Variants in RASSF6 observed in about 807,000 individuals in gnomAD.
RASSF6 encodes the protein Ras association domain family member 6, also known as ras association domain-containing protein 6.
RASSF6 carries 52 observed loss-of-function variants against 44.0 expected under a neutral mutation model. The observed-to-expected ratio is 1.18, with a 90% CI of 0.95 to 1.49. RASSF6 has a LOEUF of 1.49. Ranked by LOEUF, RASSF6 falls within the 40% of genes most tolerant of loss-of-function variation. RASSF6 has a pLI of 0.00. For synonymous variants in RASSF6, 162 were observed against 124.6 expected, an observed-to-expected ratio of 1.30 and a Z score of -2.00; for missense variants, 464 against 393.3, an observed-to-expected ratio of 1.18 and a Z score of -1.52.
chr4:73,611,908 G>A (rs1049712873), intron 1 of RASSF6, 79 bp from the exon 2 acceptor site: 2 of 991,512 alleles, frequency 2.0e-6, no homozygotes, highest in Non-Finnish European at 1.6e-6. Flanking sequence ...TGAGTGTTTT[G>A]TTGTGTCTCT....
chr4:73,593,696 G>T (rs1724739203), intron 3 of RASSF6, 103 bp from the exon 4 acceptor site: 176 of 818,620 alleles, frequency 2.1e-4, no homozygotes, highest in Admixed American at 2.5e-4. Flanking sequence ...AACCTAAATA[G>T]ATTAAAAAGA....
chr4:73,579,972 C>T (rs1011179776), intron 8 of RASSF6, among the ~76,000 whole-genome samples: 6 of 151,404 alleles, frequency 4.0e-5, no homozygotes, highest in African/African-American at 9.7e-5. Context: ...GCTGCACCCA[C>T]TAACTCGTCA....
chr4:73,591,101 G>C (rs533741927), intron 4 of RASSF6, among the ~76,000 whole-genome samples: 1 of 152,190 alleles, frequency 6.6e-6, no homozygotes, highest in South Asian at 2.1e-4. Flanking sequence ...ATAATATATT[G>C]CATACTTCAA....
chr4:73,588,783 G>GTCATCATCATCATCA (rs71217483), intron 4 of RASSF6, among the ~76,000 whole-genome samples: 6,532 of 148,642 alleles, frequency 0.044, 266 homozygotes, highest in East Asian at 0.16. Flanking sequence ...CATCTCCATT[G>GTCATCATCATCATCA]TCATCATCAT....
intron 4 of RASSF6, among the ~76,000 whole-genome samples, chr4:73,591,473 T>A (rs986899092): frequency 3.3e-5 from 5 of 152,174 alleles, no homozygotes; most frequent in African/African-American, 7.2e-5. Context: ...AATGAGGTCT[T>A]AGGTAATATG....
At position 73,576,633 on chromosome 4, in the gene RASSF6, CATCTTT is replaced by C; in HGVS notation, c.814_819del (p.Lys272_Asp273del). 3 of 1,613,026 alleles carry C rather than the reference CATCTTT, an allele frequency of 1.9e-6. No homozygotes were observed. In the South Asian group the frequency reaches 3.3e-5, roughly 18 times the overall value. Reference sequence around the variant, plus strand: ...CATACATCACTGCTAATTTCTTCTGCATCTTTATCCATGAGGAAAATGCGAGCATTC... The same window carrying C: ...CATACATCACTGCTAATTTCTTCTGCATCCATGAGGAAAATGCGAGCATTC... On this transcript the variant is annotated inframe_deletion, in exon 9 of 11. Coordinates refer to ENST00000307439, the MANE Select transcript of RASSF6 (RefSeq NM_177532.5).
At chr4:73,600,079 TC>T (rs1725182561) in intron 2 of RASSF6, among the ~76,000 whole-genome samples, 1 of 152,188 alleles carries the variant, frequency 6.6e-6, no homozygotes, top group African/African-American at 2.4e-5. Flanking sequence ...AAGAAGTCCT[TC>T]CTGATCACCC....
At chr4:73,589,622 T>C (rs1280212896) in intron 4 of RASSF6, among the ~76,000 whole-genome samples, 1 of 151,872 alleles carries the variant, frequency 6.6e-6, no homozygotes, top group Non-Finnish European at 1.5e-5. Flanking sequence ...AAAACACCAG[T>C]TTTCAGCTCT....
intron 2 of RASSF6, among the ~76,000 whole-genome samples, chr4:73,608,948 C>A (rs1725829353): frequency 6.6e-6 from 1 of 152,310 alleles, no homozygotes; most frequent in African/African-American, 2.4e-5. Context: ...TCCTTTGTTT[C>A]AACAAAGGTT....
intron 8 of RASSF6, among the ~76,000 whole-genome samples, chr4:73,580,325 A>G (rs1723534389): frequency 6.6e-6 from 1 of 150,602 alleles, no homozygotes; most frequent in Admixed American, 6.6e-5. Context: ...TAATGCCGCA[A>G]TAAACATACG....
chr4:73,585,549 T>A (rs1724022726), intron 5 of RASSF6, among the ~76,000 whole-genome samples, 185 bp from the exon 6 acceptor site: 1 of 152,132 alleles, frequency 6.6e-6, no homozygotes, highest in Admixed American at 6.6e-5. Context: ...ACTCAGCAAA[T>A]TCTGCCAGTA....
chr4:73,606,586 A>G (rs1217745790), intron 2 of RASSF6, among the ~76,000 whole-genome samples: 1 of 151,832 alleles, frequency 6.6e-6, no homozygotes, highest in Non-Finnish European at 1.5e-5. Context: ...CTTGCTTCTC[A>G]TTTGTCTGTG....
At chr4:73,593,679 C>T (rs952786619) in intron 3 of RASSF6, 86 bp from the exon 4 acceptor site, 9 of 1,289,844 alleles carry the variant, frequency 7.0e-6, no homozygotes, top group African/African-American at 1.5e-5. Context: ...AAATTAAGTG[C>T]GTAAGAAACC....
At position 73,598,692 on chromosome 4, in the gene RASSF6, G is replaced by T; in HGVS notation, c.92C>A (p.Thr31Asn). The change falls in exon 3 of 11, where the codon ACC becomes AAC. Residue 31 changes from threonine to asparagine, a missense_variant. Thr to Asn is a moderately conservative substitution (Grantham distance 65). Transcript: ENST00000307439. The part of the protein sequence containing the change: ...TREQLNSLLK[T>N]YNIFYENQKN... ...CTGGTTCTCATAAAAAATGTTATAG[G>T]TCTTCAATAAAGAATTAAGTTGTTC... 6.8e-7 allele frequency: 1 copy of T among 1,476,512 alleles called. No homozygotes were observed. The allele number at this position is 1,476,512 out of a possible 1,614,324, so 91.5% of individuals were successfully genotyped here.
At chr4:73,584,055 G>T (rs1308946976) in intron 6 of RASSF6, among the ~76,000 whole-genome samples, 12 of 152,014 alleles carry the variant, frequency 7.9e-5, no homozygotes, top group Admixed American at 6.6e-4. Flanking sequence ...CTGTGAAGAG[G>T]GAAACAGGAC....
In RASSF6 at chr4:73,576,984, C is replaced by T. The variant is rs74656278; in HGVS notation, c.722-253G>A. ...TGATTAGAGTGTTCAAACAAATCTC[C>T]GGTCTGATAGGCCTTTTATAAAGCA... On this transcript the variant is annotated intron_variant, in intron 8 of 10. Coordinates refer to ENST00000307439, the MANE Select transcript of RASSF6 (RefSeq NM_177532.5). Among the ~76,000 whole-genome samples, 24 of 152,264 alleles carry T rather than the reference C, an allele frequency of 1.6e-4. No homozygotes were observed. The East Asian group carries it at 2.9e-3, about 18-fold the overall frequency.
chr4:73,615,962 C>T (rs924183220), intron 1 of RASSF6: 5 of 1,543,698 alleles, frequency 3.2e-6, no homozygotes, highest in Non-Finnish European at 4.4e-6. Flanking sequence ...TCAAATGGGT[C>T]AGTCATTTAA....
intron 1 of RASSF6, among the ~76,000 whole-genome samples, chr4:73,614,490 C>G (rs890702159): frequency 6.6e-6 from 1 of 152,178 alleles, no homozygotes. Flanking sequence ...CATCTAAGAA[C>G]CAGACAGCTT....
intron 5 of RASSF6, among the ~76,000 whole-genome samples, chr4:73,586,610 G>A (rs141020373): frequency 6.6e-6 from 1 of 151,854 alleles, no homozygotes; most frequent in African/African-American, 2.4e-5. Flanking sequence ...TTTTACTTTA[G>A]GATTTTAAAA....
Sources: allele counts gnomAD v4.1 joint callset (sites outside exome capture counted in the v4.1 genomes callset), GRCh38; gene constraint gnomAD v4.1.1; transcripts MANE v1.5; gene names NCBI Gene and HGNC (gene_info 2026-07-23, HGNC 2026-07-21).